Variants in HTT-AS observed in about 807,000 individuals in gnomAD.
HTT-AS encodes the protein HTT antisense RNA (head to head).
chr4:3,049,567 C>T (rs116118869), exon 3 of HTT-AS, among the ~76,000 whole-genome samples: 1 of 152,090 alleles, frequency 6.6e-6, no homozygotes, highest in African/African-American at 2.4e-5. Context: ...GTGTACAGTT[C>T]CAGGAGTGTG....
intron 1 of HTT-AS, among the ~76,000 whole-genome samples, chr4:3,071,375 C>A (rs985283127): frequency 6.6e-6 from 1 of 152,146 alleles, no homozygotes; most frequent in African/African-American, 2.4e-5. Flanking sequence ...CAACACATCC[C>A]ATTCCAGGGA....
At chr4:3,058,144 T>C (rs971447231) in intron 2 of HTT-AS, among the ~76,000 whole-genome samples, 1 of 151,524 alleles carries the variant, frequency 6.6e-6, no homozygotes, top group African/African-American at 2.4e-5. Context: ...TTGACCAACA[T>C]GGAGAAACCC....
intron 1 of HTT-AS, among the ~76,000 whole-genome samples, chr4:3,068,408 A>T (rs1243579079): frequency 1.3e-5 from 2 of 152,026 alleles, no homozygotes; most frequent in African/African-American, 2.4e-5. Flanking sequence ...ATCCGTGAAG[A>T]AGGAAGGCAA....
At chr4:3,060,039 G>A (rs868786000) in intron 2 of HTT-AS, among the ~76,000 whole-genome samples, 7 of 150,932 alleles carry the variant, frequency 4.6e-5, no homozygotes, top group Middle Eastern at 3.4e-3. Context: ...CTCCTGCGTC[G>A]GTCTCCTGAG....
exon 3 of HTT-AS, among the ~76,000 whole-genome samples, chr4:3,049,191 A>G (rs547582785): frequency 6.6e-6 from 1 of 152,266 alleles, no homozygotes; most frequent in South Asian, 2.1e-4. Flanking sequence ...TGGGAGGCCG[A>G]GGTGGGCGGA....
rs775229568 is a variant in HTT-AS at position 3,051,782 on chromosome 4, T to TA, written n.1381-2085dup. On this transcript the variant is annotated intron_variant and non_coding_transcript_variant, in intron 2 of 2. Coordinates refer to ENST00000664062, the Ensembl canonical transcript of HTT-AS. ...TGTGTCTTCCCGTGCTGTTCTGTGA[T>TA]AAAAAGGGGCGCCTTAGGATAGAAC... Among the ~76,000 whole-genome samples the TA allele has an allele frequency of 1.4e-3, 215 of 149,982 alleles. 2 individuals carry two copies. The highest frequency in any genetic ancestry group is 0.01 in the Middle Eastern group (3 of 292).
At chr4:3,057,119 T>C (rs765539849) in intron 2 of HTT-AS, among the ~76,000 whole-genome samples, 2 of 151,880 alleles carry the variant, frequency 1.3e-5, no homozygotes, top group Non-Finnish European at 2.9e-5. Flanking sequence ...CTGCAACCTC[T>C]GCCTCCCGGG....
intron 2 of HTT-AS, among the ~76,000 whole-genome samples, chr4:3,050,538 C>T (rs1041068819): frequency 2.6e-5 from 4 of 152,128 alleles, no homozygotes; most frequent in Non-Finnish European, 5.9e-5. Flanking sequence ...TCCTAAAAGA[C>T]ACCATACTTT....
chr4:3,073,378 G>A (rs897976811), intron 1 of HTT-AS, among the ~76,000 whole-genome samples: 18 of 152,236 alleles, frequency 1.2e-4, no homozygotes, highest in Admixed American at 1.1e-3. Flanking sequence ...CTGGAGACCA[G>A]GACCCTGCCC....
At chr4:3,066,100 G>A (rs1712046902) in intron 1 of HTT-AS, among the ~76,000 whole-genome samples, 2 of 152,058 alleles carry the variant, frequency 1.3e-5, no homozygotes, top group Non-Finnish European at 1.5e-5. Flanking sequence ...CAGAGAGAGA[G>A]GCCAAACACC....
chr4:3,071,915 A>G (rs970579573), intron 1 of HTT-AS, among the ~76,000 whole-genome samples: 1 of 152,178 alleles, frequency 6.6e-6, no homozygotes, highest in African/African-American at 2.4e-5. Context: ...GACCATGAGA[A>G]GATACATTTC....
At chr4:3,066,294 C>T (rs1232126774) in intron 1 of HTT-AS, among the ~76,000 whole-genome samples, 1 of 151,934 alleles carries the variant, frequency 6.6e-6, no homozygotes, top group Non-Finnish European at 1.5e-5. Context: ...CTCAGCCTCC[C>T]GAGTAGCTGG....
downstream of HTT-AS, among the ~76,000 whole-genome samples, chr4:3,049,055 A>G (rs760950536): frequency 3.3e-5 from 5 of 152,220 alleles, no homozygotes; most frequent in Admixed American, 6.5e-5. Flanking sequence ...AGTATACCCC[A>G]TAAGTGCACA....
chr4:3,065,001 C>T (rs1392613404), intron 1 of HTT-AS, among the ~76,000 whole-genome samples: 2 of 152,020 alleles, frequency 1.3e-5, no homozygotes, highest in Non-Finnish European at 2.9e-5. Flanking sequence ...TTCAGTAACA[C>T]AATATAATAG....
chr4:3,067,633 C>T (rs1042674080), intron 1 of HTT-AS, among the ~76,000 whole-genome samples: 4 of 152,076 alleles, frequency 2.6e-5, no homozygotes, highest in South Asian at 2.1e-4. Context: ...GGAAGGGAAC[C>T]GAGAGCACCT....
chr4:3,060,199 C>A (rs1032931675), intron 2 of HTT-AS, among the ~76,000 whole-genome samples: 11 of 152,248 alleles, frequency 7.2e-5, no homozygotes, highest in African/African-American at 2.6e-4. Context: ...GATAGGAGGT[C>A]ATAGCAATTT....
chr4:3,073,815 T>G (rs1712269685), intron 1 of HTT-AS, among the ~76,000 whole-genome samples: 1 of 151,946 alleles, frequency 6.6e-6, no homozygotes, highest in African/African-American at 2.4e-5. Context: ...CCTCTCCCCG[T>G]GCAGAGAGCC....
downstream of HTT-AS, among the ~76,000 whole-genome samples, chr4:3,048,418 T>C (rs1481247691): frequency 6.6e-6 from 1 of 152,150 alleles, no homozygotes; most frequent in African/African-American, 2.4e-5. Context: ...TTAAAACCTT[T>C]GAGAGAATGC....
intron 2 of HTT-AS, among the ~76,000 whole-genome samples, chr4:3,053,832 C>T (rs999923652): frequency 6.7e-6 from 1 of 149,274 alleles, no homozygotes; most frequent in Non-Finnish European, 1.5e-5. Flanking sequence ...GATCTAGGCT[C>T]ACTACAACGT....
Sources: allele counts gnomAD v4.1 joint callset (sites outside exome capture counted in the v4.1 genomes callset), GRCh38; gene constraint gnomAD v4.1.1; transcripts MANE v1.5; gene names NCBI Gene and HGNC (gene_info 2026-07-23, HGNC 2026-07-21).